The following ST6GALNAC3 variants were observed in gnomAD, a reference collection of about 807,000 sequenced individuals.
The protein encoded by ST6GALNAC3 is ST6 N-acetylgalactosaminide alpha-2,6-sialyltransferase 3.
ST6GALNAC3 carries 25 observed loss-of-function variants against 32.7 expected under a neutral mutation model. The observed-to-expected ratio is 0.76, with a 90% confidence interval of 0.56 to 1.07. The LOEUF (loss-of-function observed/expected upper bound fraction) is 1.07, where lower values mean the gene tolerates loss of function less well. ST6GALNAC3 is among the 50% of genes least tolerant of loss of function. The pLI is 0.00. For missense variants in ST6GALNAC3, 355 were observed against 382.4 expected (o/e 0.93, Z 0.60); for synonymous variants, 129 against 133.1 (o/e 0.97, Z 0.21).
intron 3 of ST6GALNAC3, among the ~76,000 whole-genome samples, chr1:76,486,707 G>A (rs1043785224): frequency 6.6e-6 from 1 of 151,922 alleles, no homozygotes; most frequent in African/African-American, 2.4e-5. Context: ...TTTTAATTGG[G>A]GCATTTAGCC....
At chr1:76,452,045 G>A (rs1469235717) in intron 3 of ST6GALNAC3, among the ~76,000 whole-genome samples, 2 of 152,104 alleles carry the variant, frequency 1.3e-5, no homozygotes, top group African/African-American at 4.8e-5. Context: ...TATTGTGTTG[G>A]CTGTGGGTTT....
intron 3 of ST6GALNAC3, among the ~76,000 whole-genome samples, chr1:76,512,866 G>A (rs1003926355): frequency 5.9e-5 from 9 of 151,874 alleles, no homozygotes; most frequent in East Asian, 1.9e-4. Flanking sequence ...TGATGATATC[G>A]CATTGTGGTT....
chr1:76,388,343 C>T (rs538316491), intron 2 of ST6GALNAC3, among the ~76,000 whole-genome samples: 5 of 152,254 alleles, frequency 3.3e-5, no homozygotes, highest in South Asian at 2.1e-4. Context: ...CTCCATGGAA[C>T]GCCAATTCAT....
intron 3 of ST6GALNAC3, among the ~76,000 whole-genome samples, chr1:76,419,279 C>G (rs1192636716): frequency 1.3e-5 from 2 of 151,962 alleles, no homozygotes; most frequent in East Asian, 3.9e-4. Context: ...GCCAGATTCT[C>G]AGAAAAAATT....
chr1:76,243,829 C>A lies in ST6GALNAC3; in HGVS notation c.19-69976C>A, dbSNP rs1294141440. ...GGTCTATTCGATTTGGTACCAGTAC[C>A]ATGCTGTTTTGGTTACTGTAGCCTT... On this transcript the variant is annotated intron_variant, in intron 1 of 4. Transcript: ENST00000328299. 2.0e-5 allele frequency among the ~76,000 whole-genome samples: 3 copies of A among 152,142 alleles called. No individual in the cohort carries two copies. In the South Asian group the frequency reaches 6.2e-4, roughly 32 times the overall value.
chr1:76,611,426 T>G (rs1647926223), intron 3 of ST6GALNAC3, among the ~76,000 whole-genome samples: 1 of 152,140 alleles, frequency 6.6e-6, no homozygotes, highest in Non-Finnish European at 1.5e-5. Flanking sequence ...ACTGCTAAGA[T>G]TACATGTCTC....
At chr1:76,563,397 G>A (rs577114918) in intron 3 of ST6GALNAC3, among the ~76,000 whole-genome samples, 3 of 152,258 alleles carry the variant, frequency 2.0e-5, no homozygotes, top group South Asian at 4.1e-4. Context: ...TGGAAAATCG[G>A]GAGGTATCCC....
chr1:76,398,201 A>T (rs2392034), intron 2 of ST6GALNAC3, among the ~76,000 whole-genome samples: 52,985 of 152,098 alleles, frequency 0.35, 10,043 homozygotes, highest in Middle Eastern at 0.44. Context: ...TTGAACTCTG[A>T]ATTAACCAAA....
intron 2 of ST6GALNAC3, among the ~76,000 whole-genome samples, chr1:76,407,515 T>G (rs1037570205): frequency 2.0e-5 from 3 of 152,094 alleles, no homozygotes; most frequent in Non-Finnish European, 2.9e-5. Flanking sequence ...TGTGGCTTTC[T>G]TTAACAAGGA....
intron 2 of ST6GALNAC3, among the ~76,000 whole-genome samples, chr1:76,405,556 A>T (rs116079969): frequency 1.3e-5 from 2 of 151,764 alleles, no homozygotes; most frequent in Non-Finnish European, 2.9e-5. Flanking sequence ...TAGGAGAGTG[A>T]GCAATCACAT....
Position 76,629,269 on chromosome 1 carries a change from G to C in ST6GALNAC3, c.*463G>C, listed in dbSNP as rs1483396600. On this transcript the variant is annotated 3_prime_UTR_variant, in exon 5 of 5. Transcript: ENST00000328299. ...GATTGATTGTCAAACACTGACCCAA[G>C]AACTGCTATCAGGGTGCAAGTATCT... 1 of 989,954 alleles carries C rather than the reference G, an allele frequency of 1.0e-6. No homozygotes were observed. The highest frequency in any genetic ancestry group is 1.2e-6 in the Non-Finnish European group (1 of 833,450). The allele number at this position is 989,954 out of a possible 1,614,324, so 61.3% of individuals were successfully genotyped here. A position where few individuals can be genotyped will look rare whatever the true frequency, so the allele number is the denominator to read the frequency against.
At chr1:76,413,525 A>G (rs2392038) in intron 3 of ST6GALNAC3, among the ~76,000 whole-genome samples, 26,389 of 152,058 alleles carry the variant, frequency 0.17, 2,508 homozygotes, top group Middle Eastern at 0.3. Flanking sequence ...ATATCTCTGG[A>G]TGTAATTTGA....
chr1:76,507,413 C>T (rs773640333), intron 3 of ST6GALNAC3, among the ~76,000 whole-genome samples: 2 of 152,112 alleles, frequency 1.3e-5, no homozygotes, highest in East Asian at 1.9e-4. Context: ...AAAATTAAGC[C>T]GCATACCTCT....
chr1:76,134,473 T>C (rs1649812252), intron 1 of ST6GALNAC3, among the ~76,000 whole-genome samples: 1 of 152,226 alleles, frequency 6.6e-6, no homozygotes, highest in Non-Finnish European at 1.5e-5. Context: ...ATTCTGTCAC[T>C]GCCATGCTGT....
At chr1:76,587,771 T>C (rs944434851) in intron 3 of ST6GALNAC3, among the ~76,000 whole-genome samples, 1 of 152,168 alleles carries the variant, frequency 6.6e-6, no homozygotes, top group Admixed American at 6.5e-5. Context: ...ATCTAATGAC[T>C]TCCAATGGAT....
chr1:76,452,277 T>A (rs574247113), intron 3 of ST6GALNAC3, among the ~76,000 whole-genome samples: 1 of 152,032 alleles, frequency 6.6e-6, no homozygotes, highest in Non-Finnish European at 1.5e-5. Context: ...CCACGTAAGA[T>A]GTGACTTGCT....
At chr1:76,495,795 G>A (rs2101709039) in intron 3 of ST6GALNAC3, among the ~76,000 whole-genome samples, 1 of 152,202 alleles carries the variant, frequency 6.6e-6, no homozygotes, top group African/African-American at 2.4e-5. Flanking sequence ...TGATGATCTT[G>A]GAACCCAGTG....
intron 3 of ST6GALNAC3, among the ~76,000 whole-genome samples, chr1:76,533,891 C>T (rs1469438972): frequency 6.6e-6 from 1 of 152,158 alleles, no homozygotes; most frequent in African/African-American, 2.4e-5. Context: ...CCCCTCCCTG[C>T]AGAGGCAGGC....
intron 3 of ST6GALNAC3, among the ~76,000 whole-genome samples, chr1:76,549,956 A>G (rs910699238): frequency 1.3e-5 from 2 of 152,188 alleles, no homozygotes; most frequent in African/African-American, 2.4e-5. Flanking sequence ...TTAAATAGGT[A>G]TCTTGGCCAA....
Sources: gnomAD v4.1 joint callset for allele counts (sites outside exome capture counted in the v4.1 genomes callset) on GRCh38, gnomAD v4.1.1 for gene constraint, MANE v1.5 for transcripts, NCBI Gene and HGNC (gene_info 2026-07-23, HGNC 2026-07-21) for gene names.